Variants in KIF27 observed in about 807,000 individuals in gnomAD.
KIF27 encodes the protein kinesin family member 27.
KIF27 carries 84 observed loss-of-function variants against 141.8 expected under a neutral mutation model. The ratio of observed to expected loss-of-function variants is 0.59; its 90% confidence interval spans 0.50 to 0.71. The LOEUF (loss-of-function observed/expected upper bound fraction) is 0.71, where lower values mean the gene tolerates loss of function less well. KIF27 is among the 30% of genes least tolerant of loss of function. The pLI is 0.00. For missense variants in KIF27, 1,306 were observed against 1,628.4 expected (o/e 0.80, Z 3.41); for synonymous variants, 471 against 569.5 (o/e 0.83, Z 2.46).
In KIF27 at chr9:83,837,106, G is replaced by A. The variant is rs151134672; in HGVS notation, c.4101C>T (p.Ser1367=). The A allele has an allele frequency of 3.2e-5, 51 of 1,613,918 alleles. No individual in the cohort carries two copies. The highest frequency in any genetic ancestry group is 1.3e-4 in the East Asian group (6 of 44,888). ...KLCRKELRQI[S]ALELSLRRSS... is the part of the protein sequence containing the mutation. ...AACGTCGCAATGATAGTTCCAAGGC[G>A]GAAATTTGACGTAATTCTTTTCGAC... Residue 1367 remains serine, a synonymous_variant, in exon 18 of 18, where the codon TCC becomes TCT. Coordinates refer to ENST00000297814, the MANE Select transcript of KIF27 (RefSeq NM_017576.4).
At chr9:83,920,815 G>T (rs12552069) in intron 1 of KIF27, among the ~76,000 whole-genome samples, 1 of 151,750 alleles carries the variant, frequency 6.6e-6, no homozygotes, top group East Asian at 1.9e-4. Context: ...ATGTGCCCAA[G>T]GTTCAACCTC....
chr9:83,909,146 A>T (rs1396193883), intron 2 of KIF27, among the ~76,000 whole-genome samples: 1 of 152,236 alleles, frequency 6.6e-6, no homozygotes. Context: ...AGCAAAAAAG[A>T]ATAACTGATA....
At chr9:83,892,456 AAGTT>A (rs1952777062) in intron 5 of KIF27, among the ~76,000 whole-genome samples, 1 of 152,280 alleles carries the variant, frequency 6.6e-6, no homozygotes, top group Middle Eastern at 3.4e-3. Flanking sequence ...TATAACTTCT[AAGTT>A]AGTGGAGAAA....
chr9:83,879,804 G>A (rs1299660500), intron 11 of KIF27, among the ~76,000 whole-genome samples: 1 of 152,128 alleles, frequency 6.6e-6, no homozygotes, highest in Admixed American at 6.5e-5. Context: ...AAGAGCCTAG[G>A]CTGACACCAC....
chr9:83,874,241 C>T (rs1951032306), intron 11 of KIF27, among the ~76,000 whole-genome samples: 1 of 152,088 alleles, frequency 6.6e-6, no homozygotes, highest in South Asian at 2.1e-4. Context: ...GATATAGGGA[C>T]TATTATAAAA....
rs191335180 is a variant in KIF27 at position 83,848,226 on chromosome 9, G to T, written c.3556+1873C>A. Among the ~76,000 whole-genome samples the T allele has an allele frequency of 1.8e-3, 125 of 69,246 alleles. 11 individuals are homozygous for T. Among genetic ancestry groups the T allele is most frequent in the Admixed American group, 2.3e-3 (16 of 6,952 alleles). The allele number at this position is 69,246 out of a possible 152,430, so 45.4% of individuals were successfully genotyped here. On this transcript the variant is annotated intron_variant, in intron 16 of 17. Transcript: ENST00000297814. ...CAGATATGATATATATGATATATCA[G>T]ATATGATATATATGATATATCAGAT...
chr9:83,902,175 T>C (rs1953978256), intron 4 of KIF27, among the ~76,000 whole-genome samples: 1 of 152,138 alleles, frequency 6.6e-6, no homozygotes. Context: ...AGGAAATATG[T>C]CTAGCTAGAT....
Position 83,845,278 on chromosome 9 carries a change from A to C in KIF27, c.3557-2877T>G, listed in dbSNP as rs560109078. Among the ~76,000 whole-genome samples the C allele has an allele frequency of 2.0e-5, 3 of 152,320 alleles. No homozygotes were observed. In the East Asian group the frequency reaches 5.8e-4, roughly 29 times the overall value. On this transcript the variant is annotated intron_variant, in intron 16 of 17. Coordinates refer to ENST00000297814, the MANE Select transcript of KIF27 (RefSeq NM_017576.4). ...CTGAACGTTTGACTATGGGTCATCAAGTCACCATGCGACCTGAACTGCCTA... is the reference window on the plus strand; with the variant it reads ...CTGAACGTTTGACTATGGGTCATCACGTCACCATGCGACCTGAACTGCCTA...
intron 11 of KIF27, among the ~76,000 whole-genome samples, chr9:83,873,283 G>A (rs1477827182): frequency 7.2e-5 from 11 of 152,110 alleles, no homozygotes; most frequent in South Asian, 2.1e-4. Flanking sequence ...TCAACTCCAA[G>A]GCATAGGATA....
rs1945906955 is a variant in KIF27 at position 83,836,854 on chromosome 9, T to C, written c.*147A>G. The C allele has an allele frequency of 3.1e-6, 4 of 1,270,526 alleles. No homozygotes were observed. The highest frequency in any genetic ancestry group is 4.3e-6 in the Non-Finnish European group (4 of 934,104). 78.7% of individuals were successfully genotyped at this position (1,270,526 alleles called of 1,614,324 possible). ...CAAATATATATAGAAGATGTACACA[T>C]CTATAGCATATAAAAGAATTAGGGA... On this transcript the variant is annotated 3_prime_UTR_variant, in exon 18 of 18. Coordinates refer to ENST00000297814, the MANE Select transcript of KIF27 (RefSeq NM_017576.4).
intron 13 of KIF27, among the ~76,000 whole-genome samples, chr9:83,861,003 A>G (rs1366377599): frequency 6.6e-6 from 1 of 152,048 alleles, no homozygotes; most frequent in Non-Finnish European, 1.5e-5. Flanking sequence ...TTCAGATCTT[A>G]AACTTCTAAT....
At chr9:83,915,015 T>C (rs112510417) in intron 2 of KIF27, among the ~76,000 whole-genome samples, 3,767 of 152,286 alleles carry the variant, frequency 0.025, 156 homozygotes, top group African/African-American at 0.087. Context: ...TTTATCTCTA[T>C]TTTAAATTCT....
intron 13 of KIF27, among the ~76,000 whole-genome samples, chr9:83,866,760 G>T: frequency 6.6e-6 from 1 of 151,850 alleles, no homozygotes; most frequent in African/African-American, 2.4e-5. Flanking sequence ...CCTGTAGTCC[G>T]AGCTACTCGG....
At chr9:83,914,455 T>G (rs1194270340) in intron 2 of KIF27, among the ~76,000 whole-genome samples, 1 of 152,168 alleles carries the variant, frequency 6.6e-6, no homozygotes, top group Non-Finnish European at 1.5e-5. Flanking sequence ...CATCCATGCA[T>G]TTAATGAGAG....
intron 11 of KIF27, among the ~76,000 whole-genome samples, chr9:83,879,181 A>G (rs1393031998): frequency 1.3e-5 from 2 of 148,192 alleles, no homozygotes; most frequent in South Asian, 4.2e-4. Context: ...TCCATCTCAA[A>G]AAAAAAAAAA....
At position 83,880,506 on chromosome 9, in the gene KIF27, T is replaced by C. The variant is rs749576005; in HGVS notation, c.2446-12A>G. On this transcript the variant is annotated splice_polypyrimidine_tract_variant and intron_variant, in intron 10 of 17. Transcript: ENST00000297814. ...TTCTTCTGCAAGACCTGAGATCATA[T>C]GGAATATTTCAAAATGAAAAACTGA... is the stretch of plus-strand genomic sequence containing the variant. 4 of 1,591,812 alleles carry C rather than the reference T, an allele frequency of 2.5e-6. No homozygotes were observed. The highest frequency in any genetic ancestry group is 3.4e-6 in the Non-Finnish European group (4 of 1,169,048).
intron 13 of KIF27, among the ~76,000 whole-genome samples, chr9:83,865,652 G>C (rs183118529): frequency 6.6e-6 from 1 of 152,230 alleles, no homozygotes; most frequent in Non-Finnish European, 1.5e-5. Context: ...ATAACTTGTA[G>C]TTATTTATAG....
intron 3 of KIF27, among the ~76,000 whole-genome samples, chr9:83,906,387 CCCT>C (rs1007253127): frequency 8.5e-5 from 13 of 152,192 alleles, no homozygotes; most frequent in African/African-American, 2.9e-4. Context: ...CTAGGAAATT[CCCT>C]CCTCTGGCAG....
chr9:83,851,672 C>G (rs1450660633), intron 15 of KIF27, among the ~76,000 whole-genome samples: 1 of 152,140 alleles, frequency 6.6e-6, no homozygotes, highest in East Asian at 1.9e-4. Flanking sequence ...TGCATTTTGT[C>G]TACTGGATTC....
Sources: allele counts gnomAD v4.1 joint callset (sites outside exome capture counted in the v4.1 genomes callset), GRCh38; gene constraint gnomAD v4.1.1; transcripts MANE v1.5; gene names NCBI Gene and HGNC (gene_info 2026-07-23, HGNC 2026-07-21).